Variants in IL1RAPL2 observed in about 807,000 individuals in gnomAD.
IL1RAPL2 encodes X-linked interleukin-1 receptor accessory protein-like 2.
A neutral mutation model predicts 44.1 loss-of-function variants in IL1RAPL2; 3 were observed. The ratio of observed to expected loss-of-function variants is 0.07; its 90% CI spans 0.03 to 0.18. The LOEUF (loss-of-function observed/expected upper bound fraction) is 0.18, where lower values mean the gene tolerates loss of function less well. Ranked by LOEUF, IL1RAPL2 falls within the 10% of genes least tolerant of loss-of-function variation. IL1RAPL2 has a pLI of 1.00. For missense variants in IL1RAPL2, 391 were observed against 496.4 expected (o/e 0.79, Z 2.02); for synonymous variants, 181 against 178.8 (o/e 1.01, Z -0.10).
chrX:105,676,132 C>T (rs752628267), intron 6 of IL1RAPL2: 3 of 111,484 alleles, frequency 2.7e-5, no homozygotes, highest in Non-Finnish European at 5.7e-5. Context: ...TGCTAATCTT[C>T]TCTGTATTGT....
At chrX:104,617,323 T>G (rs1929300072) in intron 1 of IL1RAPL2, among the ~76,000 whole-genome samples, 1 of 112,151 alleles carries the variant, frequency 8.9e-6, no homozygotes, top group Admixed American at 9.5e-5. Flanking sequence ...TGACTTTGGA[T>G]AGTCTGGTGA....
At chrX:105,038,871 A>G (rs1210674020) in intron 2 of IL1RAPL2, among the ~76,000 whole-genome samples, 1 of 111,010 alleles carries the variant, frequency 9.0e-6, no homozygotes, top group Non-Finnish European at 1.9e-5. Flanking sequence ...TGCATTTTGC[A>G]TCCCTACAGG....
At chrX:105,410,821 C>T (rs2035689920) in intron 5 of IL1RAPL2, among the ~76,000 whole-genome samples, 3 of 111,506 alleles carry the variant, frequency 2.7e-5, no homozygotes, top group Middle Eastern at 4.6e-3. Flanking sequence ...AATGTGAAAA[C>T]ATGTGAAAGT....
rs149864861 is a variant in IL1RAPL2 at position 105,386,798 on chromosome X, A to G, written c.698-97515A>G. 7.5e-3 allele frequency among the ~76,000 whole-genome samples: 841 copies of G among 111,747 alleles called. 7 individuals carry two copies. The highest frequency in any genetic ancestry group is 0.026 in the African/African-American group (796 of 30,789). The stretch of plus-strand genomic sequence containing the variant: ...AGCATGACTAAATTTAATCCTGCCT[A>G]TGTGTTCATATAATGAATGTGGGAT... On this transcript the variant is annotated intron_variant, in intron 5 of 10. Transcript: ENST00000372582.
intron 2 of IL1RAPL2, among the ~76,000 whole-genome samples, chrX:105,001,285 T>G (rs1363892272): frequency 9.0e-6 from 1 of 111,300 alleles, no homozygotes; most frequent in Non-Finnish European, 1.9e-5. Context: ...TTAGACTTCC[T>G]AACATTGCCT....
intron 4 of IL1RAPL2, among the ~76,000 whole-genome samples, chrX:105,243,575 ATATATATATG>A (rs1556210986): frequency 2.9e-4 from 27 of 93,557 alleles, no homozygotes; most frequent in African/African-American, 1.3e-3. Context: ...GTGTATATAT[ATATATATATG>A]TGTATATATA....
At chrX:105,743,449 T>C (rs2038516505) in intron 8 of IL1RAPL2, among the ~76,000 whole-genome samples, 1 of 111,604 alleles carries the variant, frequency 9.0e-6, no homozygotes, top group Non-Finnish European at 1.9e-5. Context: ...TGGAACACTC[T>C]TGCCTCCAGC....
intron 2 of IL1RAPL2, among the ~76,000 whole-genome samples, chrX:104,944,239 G>A (rs536817567): frequency 1.8e-5 from 2 of 111,915 alleles, no homozygotes. Flanking sequence ...TAGTAGAAAA[G>A]CAAGGACTTT....
At chrX:104,681,178 T>C (rs1668450725) in intron 2 of IL1RAPL2, among the ~76,000 whole-genome samples, 1 of 112,363 alleles carries the variant, frequency 8.9e-6, no homozygotes, top group African/African-American at 3.2e-5. Context: ...CCCTCACATA[T>C]AATACTCTCA....
chrX:105,097,713 AT>A lies in IL1RAPL2; in HGVS notation c.83-97761del, dbSNP rs758820715. Among the ~76,000 whole-genome samples, 23 of 111,501 alleles carry A rather than the reference AT, an allele frequency of 2.1e-4. No homozygotes were observed. The East Asian group carries it at 6.2e-3, about 30-fold the overall frequency. ...GGCAGTAATTAACTGTAATTGAAAA[AT>A]ATCCCATTTTTTATGGTTCTCTGAA... On this transcript the variant is annotated intron_variant, in intron 2 of 10. Coordinates refer to ENST00000372582, the MANE Select transcript of IL1RAPL2 (RefSeq NM_017416.2).
intron 6 of IL1RAPL2, among the ~76,000 whole-genome samples, chrX:105,655,059 G>A (rs1304912002): frequency 1.8e-5 from 2 of 112,408 alleles, no homozygotes; most frequent in Non-Finnish European, 3.8e-5. Flanking sequence ...TTCTGAGAGT[G>A]AAGATTCTTC....
intron 2 of IL1RAPL2, among the ~76,000 whole-genome samples, chrX:105,103,941 G>A (rs1196363655): frequency 1.8e-5 from 2 of 111,992 alleles, no homozygotes; most frequent in African/African-American, 3.2e-5. Context: ...GTTTTCAAAC[G>A]CCTGGGTAAA....
At chrX:104,598,455 G>T (rs1928810551) in intron 1 of IL1RAPL2, among the ~76,000 whole-genome samples, 1 of 112,189 alleles carries the variant, frequency 8.9e-6, no homozygotes, top group Admixed American at 9.5e-5. Flanking sequence ...GGCCTAGAAT[G>T]AGGGGAGAAT....
At chrX:105,705,095 A>G (rs1176817269) in intron 6 of IL1RAPL2, among the ~76,000 whole-genome samples, 1 of 110,636 alleles carries the variant, frequency 9.0e-6, no homozygotes, top group Non-Finnish European at 1.9e-5. Flanking sequence ...ACTCATGTGC[A>G]CACATACACT....
chrX:105,067,549 C>G (rs2032153118), intron 2 of IL1RAPL2, among the ~76,000 whole-genome samples: 1 of 111,538 alleles, frequency 9.0e-6, no homozygotes, highest in Non-Finnish European at 1.9e-5. Context: ...CTCATACCAA[C>G]CCTATGAGGT....
chrX:105,277,544 G>A (rs965211367), intron 5 of IL1RAPL2, among the ~76,000 whole-genome samples: 1 of 111,453 alleles, frequency 9.0e-6, no homozygotes, highest in African/African-American at 3.3e-5. Context: ...CATCTCCTCA[G>A]ATCCTTGCTT....
At chrX:105,553,341 G>C (rs1359865218) in intron 6 of IL1RAPL2, among the ~76,000 whole-genome samples, 1 of 111,926 alleles carries the variant, frequency 8.9e-6, no homozygotes, top group Non-Finnish European at 1.9e-5. Flanking sequence ...GGCATGTTGG[G>C]ATCTGCAGTA....
intron 2 of IL1RAPL2, among the ~76,000 whole-genome samples, chrX:105,006,799 T>C (rs2030950438): frequency 9.0e-6 from 1 of 111,457 alleles, no homozygotes; most frequent in African/African-American, 3.3e-5. Context: ...GACACCTTGC[T>C]ATTACCATCA....
At chrX:105,079,045 C>T (rs1420997385) in intron 2 of IL1RAPL2, among the ~76,000 whole-genome samples, 1 of 112,152 alleles carries the variant, frequency 8.9e-6, no homozygotes, top group East Asian at 2.8e-4. Context: ...TATCCTGCAC[C>T]CACTGTCCAG....
Sources: allele counts gnomAD v4.1 joint callset (sites outside exome capture counted in the v4.1 genomes callset), GRCh38; gene constraint gnomAD v4.1.1; transcripts MANE v1.5; gene names NCBI Gene and HGNC (gene_info 2026-07-23, HGNC 2026-07-21).